The following RBPJ variants were observed in gnomAD, a reference collection of about 807,000 sequenced individuals.
The protein encoded by RBPJ is recombining binding protein suppressor of hairless.
In RBPJ, 9 loss-of-function variants were observed where a neutral mutation model predicts 67.8. That is an observed-to-expected ratio of 0.13 (90% CI 0.08 to 0.23). The LOEUF (loss-of-function observed/expected upper bound fraction) is 0.23. Ranked by LOEUF, RBPJ falls within the 10% of genes least tolerant of loss-of-function variation. The pLI is 1.00. For missense variants in RBPJ, 305 were observed against 595.6 expected (o/e 0.51, Z 5.08); for synonymous variants, 198 against 203.3 (o/e 0.97, Z 0.22).
upstream of RBPJ, among the ~76,000 whole-genome samples, chr4:26,316,220 C>G (rs941536096): frequency 6.7e-6 from 1 of 150,298 alleles, no homozygotes; most frequent in Non-Finnish European, 1.5e-5. Flanking sequence ...CCAGTCTCTC[C>G]GTTCAGGGTC....
At chr4:26,125,157 G>A in the RBPJ span, among the ~76,000 whole-genome samples, 1 of 152,124 alleles carries the variant, frequency 6.6e-6, no homozygotes, top group Admixed American at 6.5e-5. Flanking sequence ...ACATCCTATT[G>A]GCCAGAACTT....
At chr4:26,143,061 C>T in the RBPJ span, among the ~76,000 whole-genome samples, 15 of 152,188 alleles carry the variant, frequency 9.9e-5, no homozygotes, top group East Asian at 2.3e-3. Context: ...GGATTATAGG[C>T]GTAGCATTTC....
chr4:26,126,708 T>G, the RBPJ span, among the ~76,000 whole-genome samples: 1 of 152,364 alleles, frequency 6.6e-6, no homozygotes, highest in East Asian at 1.9e-4. Context: ...GCATTGGTTC[T>G]GTGGGTTGTG....
At chr4:26,109,989 A>T in the RBPJ span, among the ~76,000 whole-genome samples, 1 of 151,958 alleles carries the variant, frequency 6.6e-6, no homozygotes, top group Non-Finnish European at 1.5e-5. Flanking sequence ...CGTCATTCTT[A>T]GATAATAAAA....
At chr4:26,150,195 T>C in the RBPJ span, among the ~76,000 whole-genome samples, 8 of 152,340 alleles carry the variant, frequency 5.3e-5, no homozygotes, top group East Asian at 1.5e-3. Context: ...GTAAATTATC[T>C]AGTGATATTC....
chr4:26,367,716 C>T (rs1728769876), intron 1 of RBPJ, among the ~76,000 whole-genome samples: 1 of 152,180 alleles, frequency 6.6e-6, no homozygotes. Context: ...GTGCCTACTG[C>T]AGTGTCCTCA....
Position 26,424,680 on chromosome 4 carries a change from C to T in RBPJ, c.684C>T (p.Tyr228=), listed in dbSNP as rs375655516. The T allele has an allele frequency of 6.2e-7, 1 of 1,613,886 alleles. No individual in the cohort carries two copies. The highest frequency in any genetic ancestry group is 8.5e-7 in the Non-Finnish European group (1 of 1,179,786). The change falls in exon 7 of 11, where the codon TAC becomes TAT. Residue 228 remains tyrosine, a synonymous_variant. Coordinates refer to ENST00000355476, the MANE Select transcript of RBPJ (RefSeq NM_015874.6). This position sits in a 1 kb window ranked among gnomAD's most constrained non-coding sequence, Gnocchi z 5.3. ...EGEEFTVRDG[Y]IHYGQTVKLV... ...AAGAATTCACAGTCCGAGATGGCTA[C>T]ATCCATTATGGACAAACAGTCAAAC...
intron 1 of RBPJ, among the ~76,000 whole-genome samples, chr4:26,358,206 G>A (rs989893252): frequency 8.5e-5 from 13 of 152,120 alleles, no homozygotes; most frequent in Admixed American, 6.6e-4. Context: ...AAGACCATAC[G>A]TTGTACTGTG....
At chr4:26,382,526 G>A (rs1304931587) in intron 1 of RBPJ, among the ~76,000 whole-genome samples, 3 of 152,068 alleles carry the variant, frequency 2.0e-5, no homozygotes, top group Non-Finnish European at 4.4e-5. Flanking sequence ...TCGGAATTAT[G>A]TATTGTCTTT....
chr4:26,234,879 G>T (rs1235306541), intron 1 of RBPJ, among the ~76,000 whole-genome samples: 1 of 151,986 alleles, frequency 6.6e-6, no homozygotes, highest in African/African-American at 2.4e-5. Flanking sequence ...TTTTAGTAGA[G>T]ACGGGGTTTC....
chr4:26,216,056 T>A (rs1718715082), intron 1 of RBPJ, among the ~76,000 whole-genome samples: 1 of 152,134 alleles, frequency 6.6e-6, no homozygotes, highest in South Asian at 2.1e-4. Flanking sequence ...TTCAGTTCCT[T>A]GCCTCTTAGC....
At chr4:26,401,103 TAG>T (rs1464691714) in intron 2 of RBPJ, among the ~76,000 whole-genome samples, 10 of 152,242 alleles carry the variant, frequency 6.6e-5, no homozygotes, top group Non-Finnish European at 1.3e-4. Flanking sequence ...AAGGAAATAA[TAG>T]TAATAGCTCG....
intron 2 of RBPJ, among the ~76,000 whole-genome samples, chr4:26,388,954 G>A (rs2109649740): frequency 6.6e-6 from 1 of 152,250 alleles, no homozygotes; most frequent in African/African-American, 2.4e-5. Flanking sequence ...GGGTGCTGTG[G>A]TTCACGCCTG....
intron 1 of RBPJ, among the ~76,000 whole-genome samples, chr4:26,365,748 C>T (rs138117766): frequency 2.0e-5 from 3 of 152,292 alleles, no homozygotes; most frequent in Admixed American, 2.0e-4. Flanking sequence ...TAATGGTATG[C>T]CATATCCTCT....
chr4:26,322,672 TATAC>T (rs200645075), intron 1 of RBPJ, among the ~76,000 whole-genome samples: 140 of 113,322 alleles, frequency 1.2e-3, no homozygotes, highest in East Asian at 7.2e-3. Context: ...TATATATATA[TATAC>T]ACACACACAC....
At chr4:26,334,147 T>C (rs772202897) in intron 1 of RBPJ, among the ~76,000 whole-genome samples, 2 of 151,872 alleles carry the variant, frequency 1.3e-5, no homozygotes, top group Non-Finnish European at 2.9e-5. Context: ...TTCAAGCAGT[T>C]CTTCTGCCTC....
At chr4:26,236,143 T>A (rs539324544) in intron 1 of RBPJ, among the ~76,000 whole-genome samples, 3 of 152,282 alleles carry the variant, frequency 2.0e-5, no homozygotes, top group African/African-American at 7.2e-5. Flanking sequence ...TCTGGGGCAA[T>A]ATTTTGGGGA....
At chr4:26,158,486 G>A (rs1716016528), upstream of RBPJ, among the ~76,000 whole-genome samples, 1 of 152,172 alleles carries the variant, frequency 6.6e-6, no homozygotes, top group Non-Finnish European at 1.5e-5. Context: ...AGCCCCCTAT[G>A]AAGAGCTTTA....
intron 1 of RBPJ, among the ~76,000 whole-genome samples, chr4:26,345,975 C>T (rs1326681762): frequency 1.3e-5 from 2 of 152,134 alleles, no homozygotes; most frequent in Non-Finnish European, 2.9e-5. Flanking sequence ...ACTAATCTTT[C>T]TCTTTTTAAA....
Sources: gnomAD v4.1 joint callset for allele counts (sites outside exome capture counted in the v4.1 genomes callset) on GRCh38, gnomAD v4.1.1 for gene constraint, Gnocchi (gnomAD v3.1) non-coding constraint, MANE v1.5 for transcripts, NCBI Gene and HGNC (gene_info 2026-07-23, HGNC 2026-07-21) for gene names.